The following BNC2 variants were observed in gnomAD, a reference collection of about 807,000 sequenced individuals.
BNC2 encodes the protein zinc finger protein basonuclin-2.
In BNC2, 20 loss-of-function variants were observed where a neutral mutation model predicts 76.3. The ratio of observed to expected loss-of-function variants is 0.26; its 90% CI spans 0.18 to 0.38. The LOEUF (loss-of-function observed/expected upper bound fraction) is 0.38, where lower values mean the gene tolerates loss of function less well. BNC2 is among the 10% of genes least tolerant of loss of function. The probability of loss-of-function intolerance (pLI) is 1.00; values close to 1 mark genes in which losing one functional copy is unlikely to be tolerated. For synonymous variants in BNC2, 582 were observed against 514.8 expected, an observed-to-expected ratio of 1.13 and a Z score of -1.77; for missense variants, 1,382 against 1,399.8, an observed-to-expected ratio of 0.99 and a Z score of 0.20.
At chr9:16,674,674 CT>C (rs2134216421) in intron 3 of BNC2, among the ~76,000 whole-genome samples, 1 of 152,226 alleles carries the variant, frequency 6.6e-6, no homozygotes, top group South Asian at 2.1e-4. Context: ...TGATTATAAA[CT>C]CCTAGAGGGC....
At chr9:16,439,213 G>A (rs927736078) in intron 5 of BNC2, among the ~76,000 whole-genome samples, 1 of 152,076 alleles carries the variant, frequency 6.6e-6, no homozygotes, top group South Asian at 2.1e-4. Flanking sequence ...CCCAGTCTTG[G>A]GTATGTCTTT....
chr9:16,660,896 A>G (rs1822092270), intron 3 of BNC2, among the ~76,000 whole-genome samples: 1 of 152,202 alleles, frequency 6.6e-6, no homozygotes, highest in South Asian at 2.1e-4. Flanking sequence ...GAGGATGGAC[A>G]TAGATTATAT....
intron 5 of BNC2, among the ~76,000 whole-genome samples, chr9:16,458,678 T>C (rs1412584201): frequency 6.6e-6 from 1 of 152,254 alleles, no homozygotes; most frequent in Non-Finnish European, 1.5e-5. Context: ...CCTTCAGACT[T>C]AACTAATGGG....
chr9:16,428,616 A>C (rs1387693416), intron 6 of BNC2, among the ~76,000 whole-genome samples: 2 of 152,202 alleles, frequency 1.3e-5, no homozygotes, highest in Non-Finnish European at 2.9e-5. Flanking sequence ...TGATATATGC[A>C]ATAGCAATAC....
At chr9:16,510,461 C>A (rs919762668) in intron 5 of BNC2, among the ~76,000 whole-genome samples, 1 of 152,206 alleles carries the variant, frequency 6.6e-6, no homozygotes, top group Admixed American at 6.5e-5. Context: ...CCTCCTTTCA[C>A]GTACTCTTTC....
In BNC2 at chr9:16,440,555, A is replaced by G. The variant is rs1295135217; in HGVS notation, c.670-3031T>C. 2.6e-5 allele frequency among the ~76,000 whole-genome samples: 4 copies of G among 151,698 alleles called. No individual in the cohort carries two copies. The East Asian group carries it at 5.8e-4, about 22-fold the overall frequency. On this transcript the variant is annotated intron_variant, in intron 5 of 6. Coordinates refer to ENST00000380672, the MANE Select transcript of BNC2 (RefSeq NM_017637.6). ...GTACCTAAATCTACATGTCAGTGAT[A>G]TACTTATACAACTGGCAGCCTCTGG...
At chr9:16,472,422 A>G (rs1414098194) in intron 5 of BNC2, among the ~76,000 whole-genome samples, 2 of 152,234 alleles carry the variant, frequency 1.3e-5, no homozygotes, top group South Asian at 4.1e-4. Context: ...CTAAGCCTTC[A>G]AAACATGTTC....
chr9:16,559,550 G>A (rs1166372132), intron 4 of BNC2, among the ~76,000 whole-genome samples: 1 of 152,190 alleles, frequency 6.6e-6, no homozygotes, highest in Non-Finnish European at 1.5e-5. Context: ...TTCACCACAT[G>A]TTCGAATAAA....
chr9:16,709,286 T>C (rs978657220), intron 3 of BNC2, among the ~76,000 whole-genome samples: 1 of 152,168 alleles, frequency 6.6e-6, no homozygotes, highest in Non-Finnish European at 1.5e-5. Flanking sequence ...TTAGGTACCA[T>C]CCGTCAAAAG....
chr9:16,556,136 CA>C, intron 4 of BNC2, among the ~76,000 whole-genome samples: 1 of 151,958 alleles, frequency 6.6e-6, no homozygotes, highest in African/African-American at 2.4e-5. Context: ...CCTGTCTCTA[CA>C]AAAAAATAAA....
chr9:16,710,079 G>A (rs1022021057), intron 3 of BNC2, among the ~76,000 whole-genome samples: 1 of 151,782 alleles, frequency 6.6e-6, no homozygotes, highest in African/African-American at 2.4e-5. Context: ...GAATGCTGAT[G>A]AATGGAAATG....
At chr9:16,777,827 G>A (rs1326524389) in intron 1 of BNC2, among the ~76,000 whole-genome samples, 1 of 151,810 alleles carries the variant, frequency 6.6e-6, no homozygotes, top group East Asian at 1.9e-4. Context: ...TCCTCCCAAA[G>A]AGAAGTGGTG....
At chr9:16,786,299 A>T (rs1473995653) in intron 1 of BNC2, among the ~76,000 whole-genome samples, 1 of 152,140 alleles carries the variant, frequency 6.6e-6, no homozygotes, top group Non-Finnish European at 1.5e-5. Flanking sequence ...AATTATAGAA[A>T]ATGTGGAGAA....
intron 3 of BNC2, among the ~76,000 whole-genome samples, chr9:16,641,928 T>C (rs1821502432): frequency 6.6e-6 from 1 of 152,200 alleles, no homozygotes; most frequent in South Asian, 2.1e-4. Flanking sequence ...CATTTTTCTG[T>C]TTGCTGTTAA....
rs1820455112 is a variant in BNC2 at position 16,411,274 on chromosome 9, G to A, written c.*7715C>T. On this transcript the variant is annotated 3_prime_UTR_variant, in exon 7 of 7. Coordinates refer to ENST00000380672, the MANE Select transcript of BNC2 (RefSeq NM_017637.6). The stretch of plus-strand genomic sequence containing the variant: ...TATCTCAACATCACATTTGGCAACA[G>A]GAAGCCCTATAAAATCTTGGTATAG... The A allele has an allele frequency of 1.3e-5, 2 of 152,578 alleles. No homozygotes were observed. The highest frequency in any genetic ancestry group is 1.9e-4 in the East Asian group (1 of 5,202). 9.5% of individuals were successfully genotyped at this position (152,578 alleles called of 1,614,324 possible).
intron 6 of BNC2, chr9:16,429,872 G>A (rs1820871903): frequency 6.3e-6 from 3 of 478,828 alleles, no homozygotes; most frequent in South Asian, 3.0e-5. Flanking sequence ...AGGCTTAAAC[G>A]AGCTTGTCTT....
intron 5 of BNC2, among the ~76,000 whole-genome samples, chr9:16,543,089 G>GT (rs1405060191): frequency 6.6e-6 from 1 of 152,050 alleles, no homozygotes; most frequent in Non-Finnish European, 1.5e-5. Flanking sequence ...CAAATAAAAC[G>GT]TATGGGCAAC....
At chr9:16,832,936 G>A (rs1198882481) in intron 1 of BNC2, among the ~76,000 whole-genome samples, 1 of 151,972 alleles carries the variant, frequency 6.6e-6, no homozygotes, top group Non-Finnish European at 1.5e-5. Flanking sequence ...ATGTTGGCCA[G>A]GATAGTCTCA....
At chr9:16,660,593 T>C (rs1822083709) in intron 3 of BNC2, among the ~76,000 whole-genome samples, 1 of 152,128 alleles carries the variant, frequency 6.6e-6, no homozygotes, top group Non-Finnish European at 1.5e-5. Flanking sequence ...AAAGCCAAAC[T>C]TTATTGGATA....
Sources: gnomAD v4.1 joint callset for allele counts (sites outside exome capture counted in the v4.1 genomes callset) on GRCh38, gnomAD v4.1.1 for gene constraint, MANE v1.5 for transcripts, NCBI Gene and HGNC (gene_info 2026-07-23, HGNC 2026-07-21) for gene names.